NHSL1: variants seen among roughly 807,000 people sequenced by gnomAD.
NHSL1 encodes the protein NHS like 1.
A neutral mutation model predicts 95.0 loss-of-function variants in NHSL1; 48 were observed. The observed-to-expected ratio is 0.51, with a 90% CI of 0.40 to 0.64. The LOEUF (loss-of-function observed/expected upper bound fraction) is 0.64, where lower values mean the gene tolerates loss of function less well. Among genes scored for constraint, NHSL1 ranks in the 30% least tolerant of loss-of-function variants. The probability of loss-of-function intolerance (pLI) is 0.00; values close to 1 mark genes in which losing one functional copy is unlikely to be tolerated. For missense variants in NHSL1, 1,971 were observed against 2,077.7 expected (o/e 0.95, Z 1.00); for synonymous variants, 783 against 833.9 (o/e 0.94, Z 1.05).
rs182335261 is a variant in NHSL1, at chr6:138,493,186, T to C, written c.211+3033A>G. ...CCTTCCCAACCACAGTTCATAAGTC[T>C]ATAATTTATCTAAAATCTCTTACGA... On this transcript the variant is annotated intron_variant, in intron 2 of 7. Coordinates refer to ENST00000343505, the MANE Select transcript of NHSL1 (RefSeq NM_001144060.2). 2.9e-4 allele frequency among the ~76,000 whole-genome samples: 44 copies of C among 152,342 alleles called. No homozygotes were observed. The East Asian group carries it at 7.7e-3, about 27-fold the overall frequency.
chr6:138,496,364 G>A lies in NHSL1; in HGVS notation c.66C>T (p.Ser22=), dbSNP rs1222093587. The A allele has an allele frequency of 3.9e-6, 6 of 1,549,990 alleles. No homozygotes were observed. Among genetic ancestry groups the A allele is most frequent in the Non-Finnish European group, 5.2e-6 (6 of 1,146,836 alleles). Residue 22 remains serine (S), a synonymous_variant, in exon 2 of 8, where the codon TCC becomes TCT. Coordinates refer to ENST00000343505, the MANE Select transcript of NHSL1 (RefSeq NM_001144060.2). ...LIKLFKKKTV[S]NLDEESRWTV... is the part of the protein sequence containing the mutation. ...TCCATCGGCTTTCCTCATCTAGGTT[G>A]GAAACCGCTATAGAAAAAAAGATAG...
At chr6:138,591,126 T>C (rs999253617) in intron 1 of NHSL1, among the ~76,000 whole-genome samples, 2 of 152,100 alleles carry the variant, frequency 1.3e-5, no homozygotes, top group Non-Finnish European at 2.9e-5. Context: ...CTCAGACCTA[T>C]CTTTTTGAAC....
At chr6:138,684,628 G>GA (rs1380311146) in intron 1 of NHSL1, among the ~76,000 whole-genome samples, 7 of 151,738 alleles carry the variant, frequency 4.6e-5, no homozygotes, top group African/African-American at 1.5e-4. Flanking sequence ...CTGGGCAACA[G>GA]AGTGAGACTC....
chr6:138,692,135 A>G lies in NHSL1; in HGVS notation c.96+341T>C, dbSNP rs765814376. On this transcript the variant is annotated intron_variant, in intron 1 of 3. Coordinates refer to the NHSL1 transcript ENST00000491526. The surrounding 1 kb of genome is among the most constrained non-coding windows in gnomAD (Gnocchi z 4.0). ...GCTACCTGCCTGTGACAGTTTTCCC[A>G]CGAACTTGGCTCTCCTCTGTCTACA... 2.2e-6 allele frequency: 1 copy of G among 445,952 alleles called. No individual in the cohort carries two copies. The highest frequency in any genetic ancestry group is 4.4e-6 in the Non-Finnish European group (1 of 226,118). 27.6% of individuals were successfully genotyped at this position (445,952 alleles called of 1,614,324 possible).
chr6:138,582,833 C>A (rs886508313), intron 1 of NHSL1, among the ~76,000 whole-genome samples: 2 of 152,196 alleles, frequency 1.3e-5, no homozygotes, highest in African/African-American at 4.8e-5. Flanking sequence ...TACTTTTACT[C>A]ACCCTTCAAA....
At chr6:138,644,992 T>C (rs1392080569) in intron 1 of NHSL1, among the ~76,000 whole-genome samples, 2 of 152,188 alleles carry the variant, frequency 1.3e-5, no homozygotes, top group Admixed American at 6.5e-5. Flanking sequence ...AAAAGGCCTC[T>C]GGGGCCTGAC....
intron 1 of NHSL1, among the ~76,000 whole-genome samples, chr6:138,668,381 T>G (rs1279065821): frequency 1.3e-5 from 2 of 151,874 alleles, no homozygotes; most frequent in African/African-American, 2.4e-5. Flanking sequence ...AGGCGGAGGT[T>G]GCAGTGAGCC....
chr6:138,517,377 G>T (rs886170530), intron 1 of NHSL1, among the ~76,000 whole-genome samples: 3 of 152,204 alleles, frequency 2.0e-5, no homozygotes, highest in Admixed American at 6.5e-5. Flanking sequence ...TGAATGGAAA[G>T]TAACAATGAC....
chr6:138,493,906 CTTAT>C (rs1372696050), intron 2 of NHSL1, among the ~76,000 whole-genome samples: 2 of 152,144 alleles, frequency 1.3e-5, no homozygotes, highest in African/African-American at 2.4e-5. Flanking sequence ...TGCCATTCTT[CTTAT>C]TTAAGACTGA....
At chr6:138,613,642 T>A (rs562995865) in intron 1 of NHSL1, among the ~76,000 whole-genome samples, 94 of 152,300 alleles carry the variant, frequency 6.2e-4, no homozygotes, top group Non-Finnish European at 1.1e-3. Context: ...CTGCCCTGCA[T>A]CCTGCCTTCA....
At chr6:138,437,439 CACACACAAAA>C (rs1776250366) in intron 5 of NHSL1, among the ~76,000 whole-genome samples, 1 of 33,792 alleles carries the variant, frequency 3.0e-5, no homozygotes, top group African/African-American at 1.2e-4. Flanking sequence ...CACACACACA[CACACACAAAA>C]AAAAAAAAAA....
At chr6:138,661,778 T>C (rs1028025003) in intron 1 of NHSL1, among the ~76,000 whole-genome samples, 2 of 152,140 alleles carry the variant, frequency 1.3e-5, no homozygotes, top group Admixed American at 6.5e-5. Context: ...TTTAATAATT[T>C]CAGCTTGGGA....
chr6:138,447,270 TA>T (rs773199720), intron 3 of NHSL1, 77 bp from the exon 4 acceptor site: 7 of 1,274,864 alleles, frequency 5.5e-6, no homozygotes, highest in African/African-American at 4.6e-5. Context: ...TTCTTATTTT[TA>T]AAAAAATTGG....
intron 1 of NHSL1, among the ~76,000 whole-genome samples, chr6:138,687,754 A>C (rs1471669006): frequency 2.0e-5 from 3 of 152,230 alleles, no homozygotes; most frequent in Non-Finnish European, 4.4e-5. Context: ...ACATGATTCC[A>C]TCTGTATGAA....
intron 1 of NHSL1, among the ~76,000 whole-genome samples, chr6:138,535,397 C>T (rs1053659536): frequency 2.6e-5 from 4 of 151,886 alleles, no homozygotes; most frequent in Non-Finnish European, 5.9e-5. Flanking sequence ...AACCCCACCT[C>T]GACAAAAATA....
intron 1 of NHSL1, among the ~76,000 whole-genome samples, chr6:138,615,236 A>G (rs1784563376): frequency 6.6e-6 from 1 of 152,176 alleles, no homozygotes; most frequent in South Asian, 2.1e-4. Context: ...AAGCAACTTG[A>G]GGAAAATTTT....
chr6:138,430,507 C>G lies in NHSL1; in HGVS notation c.3838G>C (p.Val1280Leu). 6.4e-7 allele frequency: 1 copy of G among 1,551,466 alleles called. No homozygotes were observed. Among genetic ancestry groups the G allele is most frequent in the South Asian group, 1.2e-5 (1 of 84,040 alleles). Residue 1280 changes from valine (V) to leucine (L), a missense_variant, in exon 6 of 8, where the codon GTC (valine) becomes CTC (leucine). Val to Leu is a conservative substitution (Grantham distance 32). Around this residue, in one of 3 missense-constraint regions of NHSL1, gnomAD observed 1,602 missense variants for 1,654.5 expected, o/e 0.97. Coordinates refer to ENST00000343505, the MANE Select transcript of NHSL1 (RefSeq NM_001144060.2). The surrounding 1 kb of genome is among the most constrained non-coding windows in gnomAD (Gnocchi z 4.7). ...SMSPSRVEAN[V>L]PMVQPDVSPA... is the part of the protein sequence containing the mutation. ...GAGACATCAGGCTGAACCATGGGGA[C>G]ATTGGCTTCCACTCTGCTGGGAGAC...
chr6:138,619,622 T>G, intron 1 of NHSL1, among the ~76,000 whole-genome samples: 1 of 152,118 alleles, frequency 6.6e-6, no homozygotes, highest in East Asian at 1.9e-4. Flanking sequence ...TTCTCCGTGG[T>G]GTTTTTTAAA....
intron 1 of NHSL1, among the ~76,000 whole-genome samples, chr6:138,667,380 AC>A (rs1785308660): frequency 6.6e-6 from 1 of 152,226 alleles, no homozygotes; most frequent in African/African-American, 2.4e-5. Flanking sequence ...TTTCTACTCT[AC>A]ACCAAAACCT....
Sources: gnomAD v4.1 joint callset for allele counts (sites outside exome capture counted in the v4.1 genomes callset) on GRCh38, gnomAD v4.1.1 for gene constraint, gnomAD v4.1.1 regional missense constraint, Gnocchi (gnomAD v3.1) non-coding constraint, MANE v1.5 for transcripts, NCBI Gene and HGNC (gene_info 2026-07-23, HGNC 2026-07-21) for gene names.